The following TANC2 variants were observed in gnomAD, a reference collection of about 807,000 sequenced individuals.
TANC2 encodes the protein tetratricopeptide repeat, ankyrin repeat and coiled-coil containing 2, also known as protein TANC2.
A neutral mutation model predicts 210.5 loss-of-function variants in TANC2; 26 were observed. The ratio of observed to expected loss-of-function variants is 0.12; its 90% CI spans 0.09 to 0.17. TANC2 has a LOEUF of 0.17. Among genes scored for constraint, TANC2 ranks in the 10% least tolerant of loss-of-function variants. The pLI is 1.00. For synonymous variants in TANC2, 931 were observed against 967.1 expected (o/e 0.96, Z 0.69); for missense variants, 2,129 against 2,608.9 (o/e 0.82, Z 4.01).
intron 5 of TANC2, among the ~76,000 whole-genome samples, chr17:63,176,931 A>AT (rs1019976953): frequency 7.2e-5 from 11 of 152,080 alleles, no homozygotes; most frequent in African/African-American, 2.4e-4. Flanking sequence ...CAGTATCTTG[A>AT]TTTTGGTAGT....
At chr17:63,159,032 C>T (rs922862240) in intron 5 of TANC2, among the ~76,000 whole-genome samples, 12 of 152,170 alleles carry the variant, frequency 7.9e-5, no homozygotes, top group Non-Finnish European at 1.3e-4. Flanking sequence ...CAACATGGCA[C>T]CTTGTTTCAT....
chr17:63,405,036 T>G (rs1367455918), intron 19 of TANC2, 86 bp from the exon 20 acceptor site: 7 of 1,357,310 alleles, frequency 5.2e-6, no homozygotes, highest in African/African-American at 4.3e-5. Context: ...ATTACATTAA[T>G]GAAACACAAG....
intron 5 of TANC2, among the ~76,000 whole-genome samples, chr17:63,176,992 G>A (rs750171469): frequency 3.9e-5 from 6 of 151,900 alleles, no homozygotes; most frequent in East Asian, 3.9e-4. Flanking sequence ...GGCTGGGCAC[G>A]GTGGCTCACA....
chr17:63,046,456 C>T (rs555740786), intron 2 of TANC2, among the ~76,000 whole-genome samples: 2 of 150,566 alleles, frequency 1.3e-5, no homozygotes, highest in South Asian at 2.1e-4. Context: ...TGCAGCCTCC[C>T]GAGTAGCTGA....
chr17:63,068,205 A>G (rs1017128819), intron 2 of TANC2, among the ~76,000 whole-genome samples: 3 of 152,204 alleles, frequency 2.0e-5, no homozygotes, highest in Non-Finnish European at 4.4e-5. Flanking sequence ...CCAAATGGCC[A>G]GTAAAACATA....
chr17:63,268,839 CTTA>C (rs1386859783), intron 9 of TANC2, among the ~76,000 whole-genome samples: 1 of 152,146 alleles, frequency 6.6e-6, no homozygotes, highest in Non-Finnish European at 1.5e-5. Flanking sequence ...TGAGGAGCCT[CTTA>C]TTGGTATTTC....
chr17:63,377,603 A>C (rs2047465849), intron 14 of TANC2, among the ~76,000 whole-genome samples: 1 of 152,142 alleles, frequency 6.6e-6, no homozygotes, highest in South Asian at 2.1e-4. Flanking sequence ...GCCATTCAAC[A>C]AGTCTCTAGG....
chr17:63,383,088 A>G (rs2047664711), intron 15 of TANC2, among the ~76,000 whole-genome samples: 1 of 152,182 alleles, frequency 6.6e-6, no homozygotes, highest in Non-Finnish European at 1.5e-5. Flanking sequence ...GGCTTATATA[A>G]AAGTTGAACA....
chr17:63,144,605 A>T (rs918409408), intron 4 of TANC2, among the ~76,000 whole-genome samples: 5 of 152,206 alleles, frequency 3.3e-5, no homozygotes, highest in African/African-American at 1.2e-4. Flanking sequence ...GAGTATGTCG[A>T]GTAGGGAACT....
rs1043258282 is a variant in TANC2 at position 62,991,405 on chromosome 17, A to G, written c.-23-18132A>G. Among the ~76,000 whole-genome samples, 20 of 151,964 alleles carry G rather than the reference A, an allele frequency of 1.3e-4. No individual in the cohort carries two copies. In the South Asian group the frequency reaches 1.9e-3, roughly 14 times the overall value. Reference sequence around the variant, plus strand: ...TGTAATCCCAGCACTTTGGGAGGCCAAGACGGGCGGATCATGAGGTCAGGA... The same window carrying G: ...TGTAATCCCAGCACTTTGGGAGGCCGAGACGGGCGGATCATGAGGTCAGGA... On this transcript the variant is annotated intron_variant, in intron 1 of 27. Transcript: ENST00000689528.
chr17:63,344,402 AATGCTTTTTT>A (rs1443759369), intron 12 of TANC2, among the ~76,000 whole-genome samples: 2 of 152,198 alleles, frequency 1.3e-5, no homozygotes, highest in Non-Finnish European at 2.9e-5. Flanking sequence ...TGAAATGTTG[AATGCTTTTTT>A]CCCCTAAGGT....
chr17:63,196,650 A>G (rs2041355360), intron 6 of TANC2, among the ~76,000 whole-genome samples: 2 of 152,214 alleles, frequency 1.3e-5, no homozygotes, highest in African/African-American at 2.4e-5. Flanking sequence ...CCATTGAACC[A>G]GGAGGGAGAA....
intron 15 of TANC2, among the ~76,000 whole-genome samples, chr17:63,382,442 C>T (rs1598990208): frequency 6.6e-6 from 1 of 152,302 alleles, no homozygotes; most frequent in East Asian, 1.9e-4. Flanking sequence ...GCAAATCAAT[C>T]TATATCATTA....
At chr17:63,402,736 A>G (rs2048380654) in intron 19 of TANC2, among the ~76,000 whole-genome samples, 1 of 152,262 alleles carries the variant, frequency 6.6e-6, no homozygotes, top group South Asian at 2.1e-4. Flanking sequence ...TAGGAAACAA[A>G]TTCTGTTACT....
chr17:63,039,270 CCTT>C (rs2035091496), intron 2 of TANC2, among the ~76,000 whole-genome samples: 1 of 151,958 alleles, frequency 6.6e-6, no homozygotes, highest in South Asian at 2.1e-4. Flanking sequence ...TGGTGATTGT[CCTT>C]CTGAATCTTC....
intron 5 of TANC2, among the ~76,000 whole-genome samples, chr17:63,166,030 T>A (rs759230068): frequency 1.3e-5 from 2 of 152,212 alleles, no homozygotes; most frequent in South Asian, 4.1e-4. Context: ...TACATTGATG[T>A]GCATGTAGTA....
chr17:63,360,742 ATGTTT>A (rs2046932392), intron 14 of TANC2, among the ~76,000 whole-genome samples: 1 of 151,970 alleles, frequency 6.6e-6, no homozygotes, highest in South Asian at 2.1e-4. Flanking sequence ...TATTCTTTCT[ATGTTT>A]TGTACCCATT....
intron 8 of TANC2, among the ~76,000 whole-genome samples, chr17:63,261,923 A>G (rs1207513079): frequency 1.3e-5 from 2 of 152,236 alleles, no homozygotes; most frequent in African/African-American, 2.4e-5. Flanking sequence ...CACTTTAACT[A>G]TGTTTAGATG....
intron 9 of TANC2, among the ~76,000 whole-genome samples, chr17:63,282,834 T>G (rs2044100935): frequency 6.6e-6 from 1 of 152,086 alleles, no homozygotes; most frequent in Non-Finnish European, 1.5e-5. Flanking sequence ...CTCTTTAAGT[T>G]GTGAAACTTT....
Sources: gnomAD v4.1 joint callset for allele counts (sites outside exome capture counted in the v4.1 genomes callset) on GRCh38, gnomAD v4.1.1 for gene constraint, MANE v1.5 for transcripts, NCBI Gene and HGNC (gene_info 2026-07-23, HGNC 2026-07-21) for gene names.